The following TOLLIP variants were observed in gnomAD, a reference collection of about 807,000 sequenced individuals.
TOLLIP encodes toll interacting protein, also known as toll-interacting protein.
Under a neutral mutation model 33.5 loss-of-function variants are expected in TOLLIP, and 16 were observed. That is an observed-to-expected ratio of 0.48 (90% CI 0.32 to 0.72). TOLLIP has a LOEUF of 0.72. TOLLIP is among the 30% of genes least tolerant of loss of function. The probability of loss-of-function intolerance (pLI) is 0.03; values close to 1 mark genes in which losing one functional copy is unlikely to be tolerated. For synonymous variants in TOLLIP, 176 were observed against 163.7 expected (o/e 1.07, Z -0.57); for missense variants, 325 against 396.6 (o/e 0.82, Z 1.53).
chr11:1,284,183 G>A (rs2133888881), intron 5 of TOLLIP, among the ~76,000 whole-genome samples: 1 of 152,232 alleles, frequency 6.6e-6, no homozygotes. Context: ...GCTCGCCCCC[G>A]TTTCTCTGCC....
At position 1,275,135 on chromosome 11, in the gene TOLLIP, GC is replaced by G. The variant is rs1396418475; in HGVS notation, c.*1903del. On this transcript the variant is annotated 3_prime_UTR_variant, in exon 6 of 6. Transcript: ENST00000317204. ...GGTTGCTCTCCCTCCAGCGAGGCTGGCCCCCACTGTGTGGGTCCCTCGGGCC... is the reference window on the plus strand; with the variant it reads ...GGTTGCTCTCCCTCCAGCGAGGCTGGCCCCACTGTGTGGGTCCCTCGGGCC... The G allele has an allele frequency of 2.0e-5, 3 of 152,184 alleles. No homozygotes were observed. The highest frequency in any genetic ancestry group is 7.2e-5 in the African/African-American group (3 of 41,434). 9.4% of individuals were successfully genotyped at this position (152,184 alleles called of 1,614,324 possible). A position where few individuals can be genotyped will look rare whatever the true frequency, so the allele number is the denominator to read the frequency against.
intron 5 of TOLLIP, among the ~76,000 whole-genome samples, chr11:1,279,136 C>T (rs924839271): frequency 1.3e-5 from 2 of 152,238 alleles, no homozygotes. Flanking sequence ...GACGCTGCGA[C>T]GTCACGGCCT....
At position 1,294,191 on chromosome 11, in the gene TOLLIP, A is replaced by G. The variant is rs1590221362; in HGVS notation, c.183+1454T>C. 1.0e-4 allele frequency among the ~76,000 whole-genome samples: 14 copies of G among 138,934 alleles called. No homozygotes were observed. The South Asian group carries it at 3.2e-3, about 32-fold the overall frequency. 91.1% of individuals were successfully genotyped at this position (138,934 alleles called of 152,430 possible). A position where few individuals can be genotyped will look rare whatever the true frequency, so the allele number is the denominator to read the frequency against. On this transcript the variant is annotated intron_variant, in intron 2 of 5. Coordinates refer to ENST00000317204, the MANE Select transcript of TOLLIP (RefSeq NM_019009.4). Reference sequence around the variant, plus strand: ...GTGTGTCTCCTTTCCCTGCATTTCTATGAAAGCCGTGTGGCTCACAGTGTG... The same window carrying G: ...GTGTGTCTCCTTTCCCTGCATTTCTGTGAAAGCCGTGTGGCTCACAGTGTG...
chr11:1,300,752 G>A (rs1230763851), intron 1 of TOLLIP, among the ~76,000 whole-genome samples: 1 of 152,194 alleles, frequency 6.6e-6, no homozygotes, highest in East Asian at 1.9e-4. Flanking sequence ...TGCAGTCCTG[G>A]CCTCACGCCT....
At chr11:1,289,234 C>T (rs936013008) in intron 3 of TOLLIP, among the ~76,000 whole-genome samples, 3 of 152,166 alleles carry the variant, frequency 2.0e-5, no homozygotes, top group Admixed American at 2.0e-4. Context: ...CTCTACTCTT[C>T]TGAGGGCCAG....
rs1382877741 is a variant in TOLLIP at position 1,278,759 on chromosome 11, G to A, written c.611-1506C>T. On this transcript the variant is annotated intron_variant, in intron 5 of 5. Transcript: ENST00000317204. The surrounding 1 kb of genome is among the most constrained non-coding windows in gnomAD (Gnocchi z 4.7). ...CAGCCTTTCGGCAATGACGGAAAAC[G>A]AACCGAACCATGGCCAGGTGGGGAC... is the stretch of plus-strand genomic sequence containing the variant. Among the ~76,000 whole-genome samples the A allele has an allele frequency of 1.3e-5, 2 of 152,192 alleles. No homozygotes were observed. The highest frequency in any genetic ancestry group is 4.8e-5 in the African/African-American group (2 of 41,446).
chr11:1,277,677 A>T lies in TOLLIP; in HGVS notation c.611-424T>A, dbSNP rs1411700117. ...CTGCATCTGGGGACGGACTACACGG[A>T]ATGTCACGCCCGCTGATCCAAACAC... is the stretch of plus-strand genomic sequence containing the variant. On this transcript the variant is annotated intron_variant, in intron 5 of 5. Coordinates refer to ENST00000317204, the MANE Select transcript of TOLLIP (RefSeq NM_019009.4). The surrounding 1 kb of genome is among the most constrained non-coding windows in gnomAD (Gnocchi z 4.2). Among the ~76,000 whole-genome samples, 1 of 152,136 alleles carries T rather than the reference A, an allele frequency of 6.6e-6. No homozygotes were observed. Among genetic ancestry groups the T allele is most frequent in the Non-Finnish European group, 1.5e-5 (1 of 68,020 alleles).
chr11:1,290,472 G>A lies in TOLLIP; in HGVS notation c.184-63C>T. On this transcript the variant is annotated intron_variant, in intron 2 of 5. Transcript: ENST00000317204. This position sits in a 1 kb window ranked among gnomAD's most constrained non-coding sequence, Gnocchi z 4.9. ...CCATCAGGAGAGGGTGGGTTCTCTAGGCCGTCTGCCTCCCTGAACCCTTCC... is the reference window on the plus strand; with the variant it reads ...CCATCAGGAGAGGGTGGGTTCTCTAAGCCGTCTGCCTCCCTGAACCCTTCC... 6.6e-7 allele frequency: 1 copy of A among 1,522,562 alleles called. No homozygotes were observed. Among genetic ancestry groups the A allele is most frequent in the Non-Finnish European group, 9.0e-7 (1 of 1,106,186 alleles). 94.3% of individuals were successfully genotyped at this position (1,522,562 alleles called of 1,614,324 possible).
At chr11:1,296,531 T>C in intron 1 of TOLLIP, among the ~76,000 whole-genome samples, 1 of 152,080 alleles carries the variant, frequency 6.6e-6, no homozygotes, top group African/African-American at 2.4e-5. Context: ...TGAGCATGGG[T>C]CTGGCTGCTG....
intron 1 of TOLLIP, among the ~76,000 whole-genome samples, chr11:1,296,083 T>C (rs1048087192): frequency 1.3e-5 from 2 of 152,204 alleles, no homozygotes; most frequent in African/African-American, 4.8e-5. Flanking sequence ...CAGGTGGGTT[T>C]TCAGGTCATT....
At chr11:1,297,741 G>T (rs1462479279) in intron 1 of TOLLIP, among the ~76,000 whole-genome samples, 1 of 152,236 alleles carries the variant, frequency 6.6e-6, no homozygotes, top group Non-Finnish European at 1.5e-5. Context: ...AATCGAGGAG[G>T]GTGCAGAGGT....
chr11:1,292,668 G>A (rs1172571817), intron 2 of TOLLIP, among the ~76,000 whole-genome samples: 1 of 152,252 alleles, frequency 6.6e-6, no homozygotes, highest in Non-Finnish European at 1.5e-5. Context: ...TGTGGACACC[G>A]TGGGGACACA....
chr11:1,286,835 C>T (rs375835141), intron 4 of TOLLIP, among the ~76,000 whole-genome samples: 7 of 151,072 alleles, frequency 4.6e-5, no homozygotes, highest in Admixed American at 2.6e-4. Context: ...GCACTGCTGT[C>T]GTCTCTGAGT....
intron 2 of TOLLIP, among the ~76,000 whole-genome samples, chr11:1,293,162 C>T (rs544391175): frequency 5.5e-4 from 84 of 152,336 alleles, no homozygotes; most frequent in African/African-American, 1.9e-3. Context: ...AGCACGAGGG[C>T]TTTGGGCCTC....
intron 1 of TOLLIP, among the ~76,000 whole-genome samples, chr11:1,308,263 G>A (rs566756697): frequency 3.3e-5 from 5 of 152,278 alleles, no homozygotes; most frequent in East Asian, 3.9e-4. Context: ...GTGCTGTCCC[G>A]GTGATAGTGA....
chr11:1,290,460 G>C lies in TOLLIP; in HGVS notation c.184-51C>G. 1 of 1,580,146 alleles carries C rather than the reference G, an allele frequency of 6.3e-7. No individual in the cohort carries two copies. Among genetic ancestry groups the C allele is most frequent in the Non-Finnish European group, 8.7e-7 (1 of 1,153,212 alleles). On this transcript the variant is annotated intron_variant, in intron 2 of 5. Coordinates refer to ENST00000317204, the MANE Select transcript of TOLLIP (RefSeq NM_019009.4). This position sits in a 1 kb window ranked among gnomAD's most constrained non-coding sequence, Gnocchi z 4.9. Reference sequence around the variant, plus strand: ...AGGAGGTGCCAACCATCAGGAGAGGGTGGGTTCTCTAGGCCGTCTGCCTCC... The same window carrying C: ...AGGAGGTGCCAACCATCAGGAGAGGCTGGGTTCTCTAGGCCGTCTGCCTCC...
rs905784292 is a variant in TOLLIP at position 1,277,388 on chromosome 11, C to T, written c.611-135G>A. The T allele has an allele frequency of 2.5e-5, 17 of 672,144 alleles. No individual in the cohort carries two copies. Among genetic ancestry groups the T allele is most frequent in the Non-Finnish European group, 3.5e-5 (15 of 423,982 alleles). The allele number at this position is 672,144 out of a possible 1,614,324, so 41.6% of individuals were successfully genotyped here. On this transcript the variant is annotated intron_variant, in intron 5 of 5. Transcript: ENST00000317204. This position sits in a 1 kb window ranked among gnomAD's most constrained non-coding sequence, Gnocchi z 4.2. ...GGGCCACCTCGGGTCTCAGCAAACA[C>T]CAGTCCCGCAAGACACCCTGGAAAG...
At position 1,303,302 on chromosome 11, in the gene TOLLIP, C is replaced by T. The variant is rs375446535; in HGVS notation, c.33+6164G>A. On this transcript the variant is annotated intron_variant, in intron 1 of 5. Coordinates refer to ENST00000317204, the MANE Select transcript of TOLLIP (RefSeq NM_019009.4). The surrounding 1 kb of genome is among the most constrained non-coding windows in gnomAD (Gnocchi z 4.2). ...CTTCTCATTCAGATGAAACAAAAGC[C>T]AGTCAAGCAGCAGGCCAAGGGCGGA... Among the ~76,000 whole-genome samples, 2 of 152,088 alleles carry T rather than the reference C, an allele frequency of 1.3e-5. No homozygotes were observed. The highest frequency in any genetic ancestry group is 6.5e-5 in the Admixed American group (1 of 15,278).
In TOLLIP at chr11:1,276,780, C is replaced by G. The variant is rs764966866; in HGVS notation, c.*259G>C. ...TCCAGAACGGCATGAGAAGGAGAGA[C>G]GCACGTCCCAGGGACAGGAGAGCGC... On this transcript the variant is annotated 3_prime_UTR_variant, in exon 6 of 6. Transcript: ENST00000317204. 6.6e-7 allele frequency: 1 copy of G among 1,512,048 alleles called. No individual in the cohort carries two copies. Among genetic ancestry groups the G allele is most frequent in the African/African-American group, 1.4e-5 (1 of 72,768 alleles). The allele number at this position is 1,512,048 out of a possible 1,614,324, so 93.7% of individuals were successfully genotyped here.
Sources: gnomAD v4.1 joint callset for allele counts (sites outside exome capture counted in the v4.1 genomes callset) on GRCh38, gnomAD v4.1.1 for gene constraint, Gnocchi (gnomAD v3.1) non-coding constraint, MANE v1.5 for transcripts, NCBI Gene and HGNC (gene_info 2026-07-23, HGNC 2026-07-21) for gene names.